BIRC6: variants seen among roughly 807,000 people sequenced by gnomAD.
BIRC6 encodes baculoviral IAP repeat containing 6.
In BIRC6, 98 loss-of-function variants were observed where a neutral mutation model predicts 503.3. The observed-to-expected ratio is 0.19, with a 90% CI of 0.17 to 0.23. The LOEUF is 0.23. Ranked by LOEUF, BIRC6 falls within the 10% of genes least tolerant of loss-of-function variation. The pLI is 1.00. For missense variants in BIRC6, 5,360 were observed against 5,806.0 expected (o/e 0.92, Z 2.50); for synonymous variants, 2,240 against 2,078.7 (o/e 1.08, Z -2.11).
chr2:32,537,372 C>G (rs975965376), intron 61 of BIRC6, among the ~76,000 whole-genome samples: 1 of 152,118 alleles, frequency 6.6e-6, no homozygotes, highest in African/African-American at 2.4e-5. Context: ...GTAAAGCACT[C>G]CTCAGCAAAT....
Position 32,468,561 on chromosome 2 carries a change from A to G in BIRC6, c.5905A>G (p.Arg1969Gly), listed in dbSNP as rs575434367. Residue 1969 changes from arginine to glycine, a missense_variant, in exon 29 of 74, where the codon AGG becomes GGG. Around this residue, in one of 16 missense-constraint regions of BIRC6, gnomAD observed 2,299 missense variants for 2,267.2 expected, o/e 1.01. Transcript: ENST00000421745. ...KPDKAVEEDS[R>G]VFSAYQDCIQ... ...AGATAAGGCAGTTGAGGAAGACAGT[A>G]GGGTTTTTTCTGCTTATCAAGATTG... The G allele has an allele frequency of 2.5e-6, 4 of 1,614,038 alleles. No individual in the cohort carries two copies. Among genetic ancestry groups the G allele is most frequent in the East Asian group, 4.5e-5 (2 of 44,888 alleles).
In BIRC6 at chr2:32,499,541, C is replaced by T; in HGVS notation, c.8469-6C>T. ...TTTTTCTGTCTCTCTCTCTCTCTCTCTGCAGGGGTGCTTTCCAGACAGGCC... is the reference window on the plus strand; with the variant it reads ...TTTTTCTGTCTCTCTCTCTCTCTCTTTGCAGGGGTGCTTTCCAGACAGGCC... On this transcript the variant is annotated splice_region_variant and splice_polypyrimidine_tract_variant and intron_variant, in intron 45 of 73. Transcript: ENST00000421745. 6.3e-6 allele frequency: 10 copies of T among 1,583,878 alleles called. No homozygotes were observed. Among genetic ancestry groups the T allele is most frequent in the Non-Finnish European group, 8.6e-6 (10 of 1,164,840 alleles).
chr2:32,419,986 T>C (rs2042768127), intron 10 of BIRC6, among the ~76,000 whole-genome samples: 1 of 152,210 alleles, frequency 6.6e-6, no homozygotes, highest in African/African-American at 2.4e-5. Flanking sequence ...TTTAGTTCAG[T>C]ATGGTAAAAT....
At chr2:32,530,431 TA>T (rs2056639441) in intron 60 of BIRC6, among the ~76,000 whole-genome samples, 1 of 152,084 alleles carries the variant, frequency 6.6e-6, no homozygotes, top group South Asian at 2.1e-4. Flanking sequence ...AGCTACTCTG[TA>T]ACTCCTGACC....
rs367993725 is a variant in BIRC6, at chr2:32,518,302, A to G, written c.11398A>G (p.Thr3800Ala). 1.4e-5 allele frequency: 22 copies of G among 1,612,890 alleles called. No individual in the cohort carries two copies. The highest frequency in any genetic ancestry group is 8.0e-5 in the African/African-American group (6 of 74,878). Reference sequence around the variant, plus strand: ...ATCTCCTCAAAGAGGGAACCTTCCAACATCTGGGAACATTTCAGGGTTTAT... The same window carrying G: ...ATCTCCTCAAAGAGGGAACCTTCCAGCATCTGGGAACATTTCAGGGTTTAT... ...QTSPQRGNLP[T>A]SGNISGFIRR... is the part of the protein sequence containing the mutation. Residue 3800 changes from threonine to alanine, a missense_variant, in exon 56 of 74, where the codon ACA (threonine) becomes GCA (alanine). This residue lies in a region of BIRC6 where 878 missense variants were observed against 928.9 expected (regional missense o/e 0.95). Transcript: ENST00000421745.
chr2:32,545,879 A>T lies in BIRC6; in HGVS notation c.12810+19A>T. On this transcript the variant is annotated intron_variant, in intron 63 of 73. Transcript: ENST00000421745. ...AACTGAGGTAGGTTCACTTTTAATT[A>T]TTTCAGTTATTAAAAAAACTAGATT... 7.5e-6 allele frequency: 12 copies of T among 1,593,492 alleles called. No individual in the cohort carries two copies. Among genetic ancestry groups the T allele is most frequent in the Non-Finnish European group, 1.0e-5 (12 of 1,162,460 alleles).
rs548214489 is a variant in BIRC6, at chr2:32,425,418, A to T, written c.2873-3728A>T. ...TTCCAATATCTGGGCTTTCTCAGGT[A>T]TGCTTTCTGGTAATTCTTTTTTTTT... On this transcript the variant is annotated intron_variant, in intron 10 of 73. Transcript: ENST00000421745. Among the ~76,000 whole-genome samples the T allele has an allele frequency of 2.7e-5, 4 of 148,032 alleles. No individual in the cohort carries two copies. In the East Asian group the frequency reaches 7.8e-4, roughly 29 times the overall value.
In BIRC6 at chr2:32,499,876, C is replaced by T. The variant is rs2052944112; in HGVS notation, c.8798C>T (p.Pro2933Leu). The T allele has an allele frequency of 6.2e-7, 1 of 1,613,862 alleles. No homozygotes were observed. The highest frequency in any genetic ancestry group is 1.3e-5 in the African/African-American group (1 of 74,914). ...LKLVNILVQL[P>L]LSGNREYSAR... ...CTTGTTAACATTTTAGTGCAGCTGCCTCTTTCAGGCAATAGGGAATACAGT... is the reference window on the plus strand; with the variant it reads ...CTTGTTAACATTTTAGTGCAGCTGCTTCTTTCAGGCAATAGGGAATACAGT... The change falls in exon 46 of 74, where the codon CCT becomes CTT. Residue 2933 changes from proline (P) to leucine (L), a missense_variant. Coordinates refer to ENST00000421745, the MANE Select transcript of BIRC6 (RefSeq NM_016252.4).
rs183963436 is a variant in BIRC6 at position 32,515,177 on chromosome 2, C to G, written c.10756C>G (p.Gln3586Glu). ...RLSMTDDSKKQDLSSSLTDDS... is the reference protein window; with the variant it reads ...RLSMTDDSKKEDLSSSLTDDS... ...GTCCATGACAGATGATAGCAAAAAG[C>G]AGGATCTTAGTTCATCTTTAACAGA... The change falls in exon 55 of 74, where the codon CAG (glutamine) becomes GAG (glutamate). Residue 3586 changes from glutamine (Q) to glutamate (E), a missense_variant. Transcript: ENST00000421745. 31 of 1,613,938 alleles carry G rather than the reference C, an allele frequency of 1.9e-5. No homozygotes were observed. The highest frequency in any genetic ancestry group is 2.5e-6 in the Non-Finnish European group (3 of 1,179,872).
rs776139017 is a variant in BIRC6, at chr2:32,415,859, T to C, written c.2568T>C (p.Ile856=). The change falls in exon 10 of 74, where the codon ATT becomes ATC. Residue 856 remains isoleucine, a synonymous_variant. Coordinates refer to ENST00000421745, the MANE Select transcript of BIRC6 (RefSeq NM_016252.4). ...ATATCAAAGATCCCCAGGACACAAT[T>C]ACCTCGCTCATTTTGCTTCCACCCG... The part of the protein sequence containing the change: ...IQHIKDPQDT[I]TSLILLPPDI... 1.2e-6 allele frequency: 2 copies of C among 1,613,830 alleles called. No individual in the cohort carries two copies. The highest frequency in any genetic ancestry group is 1.7e-6 in the Non-Finnish European group (2 of 1,179,894).
At chr2:32,616,402 A>C (rs905698842) in intron 73 of BIRC6, among the ~76,000 whole-genome samples, 4 of 151,864 alleles carry the variant, frequency 2.6e-5, no homozygotes, top group African/African-American at 9.7e-5. Flanking sequence ...TACCAAAAAC[A>C]CAAAAAAATT....
chr2:32,597,116 T>C (rs1487150054), intron 68 of BIRC6, among the ~76,000 whole-genome samples: 3 of 152,266 alleles, frequency 2.0e-5, no homozygotes, highest in East Asian at 1.9e-4. Context: ...TTCAACCATA[T>C]GTATCAAACA....
chr2:32,474,448 T>C (rs1187988888), intron 33 of BIRC6, among the ~76,000 whole-genome samples: 1 of 152,218 alleles, frequency 6.6e-6, no homozygotes, highest in Non-Finnish European at 1.5e-5. Flanking sequence ...TAAAATATCA[T>C]TATTTGATTC....
chr2:32,536,953 G>A (rs1374571956), intron 61 of BIRC6, among the ~76,000 whole-genome samples: 1 of 152,094 alleles, frequency 6.6e-6, no homozygotes, highest in African/African-American at 2.4e-5. Flanking sequence ...GTGATTTGTA[G>A]TTCTCCTTGA....
rs1475883228 is a variant in BIRC6, at chr2:32,447,398, C to A, written c.4485-1397C>A. Reference sequence around the variant, plus strand: ...GGCGGGGGGCTGATCCCCCCACCTCCCTCCCGGACGGGGCGGCTGGCCGGG... The same window carrying A: ...GGCGGGGGGCTGATCCCCCCACCTCACTCCCGGACGGGGCGGCTGGCCGGG... On this transcript the variant is annotated intron_variant, in intron 21 of 73. Coordinates refer to ENST00000421745, the MANE Select transcript of BIRC6 (RefSeq NM_016252.4). Among the ~76,000 whole-genome samples, 11 of 151,474 alleles carry A rather than the reference C, an allele frequency of 7.3e-5. No individual in the cohort carries two copies. In the East Asian group the frequency reaches 2.2e-3, roughly 30 times the overall value.
chr2:32,416,235 A>G, intron 10 of BIRC6, 72 bp downstream of exon 10: 1 of 1,402,550 alleles, frequency 7.1e-7, no homozygotes, highest in East Asian at 2.3e-5. Context: ...GTGCAAACCT[A>G]GTATGAATTT....
chr2:32,386,104 G>A (rs2038419690), intron 3 of BIRC6, among the ~76,000 whole-genome samples: 1 of 152,200 alleles, frequency 6.6e-6, no homozygotes, highest in African/African-American at 2.4e-5. Flanking sequence ...ATGTTGATCT[G>A]CAGGATGTTA....
At chr2:32,607,193 C>T (rs3769591) in intron 71 of BIRC6, among the ~76,000 whole-genome samples, 8 of 46,816 alleles carry the variant, frequency 1.7e-4, no homozygotes, top group East Asian at 1.5e-3. Context: ...TTATTATTAT[C>T]ATCTATCTTC....
At chr2:32,410,892 G>A (rs1368747881) in intron 9 of BIRC6, among the ~76,000 whole-genome samples, 1 of 152,014 alleles carries the variant, frequency 6.6e-6, no homozygotes, top group Admixed American at 6.6e-5. Context: ...AGTAGAGACG[G>A]GGTTTCGCTG....
Sources: gnomAD v4.1 joint callset for allele counts (sites outside exome capture counted in the v4.1 genomes callset) on GRCh38, gnomAD v4.1.1 for gene constraint, gnomAD v4.1.1 regional missense constraint, MANE v1.5 for transcripts, NCBI Gene and HGNC (gene_info 2026-07-23, HGNC 2026-07-21) for gene names.